Variants in FGD3 observed in about 807,000 individuals in gnomAD.
FGD3 encodes FYVE, RhoGEF and PH domain-containing protein 3.
A neutral mutation model predicts 71.8 loss-of-function variants in FGD3; 45 were observed. That is an observed-to-expected ratio of 0.63 (90% CI 0.49 to 0.80). The LOEUF (loss-of-function observed/expected upper bound fraction) is 0.80, where lower values mean the gene tolerates loss of function less well. Ranked by LOEUF, FGD3 falls within the 30% of genes least tolerant of loss-of-function variation. FGD3 has a pLI of 0.00. For missense variants in FGD3, 844 were observed against 951.5 expected, an observed-to-expected ratio of 0.89 and a Z score of 1.49; for synonymous variants, 378 against 392.8, an observed-to-expected ratio of 0.96 and a Z score of 0.44.
At chr9:92,986,872 T>A (rs920427792) in intron 3 of FGD3, among the ~76,000 whole-genome samples, 1 of 152,158 alleles carries the variant, frequency 6.6e-6, no homozygotes, top group Non-Finnish European at 1.5e-5. Flanking sequence ...TCCGAGCTGG[T>A]AGGGTAAAAA....
chr9:93,018,074 A>G (rs778369422), intron 10 of FGD3, 62 bp from the exon 11 acceptor site: 16 of 1,488,490 alleles, frequency 1.1e-5, no homozygotes, highest in Admixed American at 1.7e-5. Flanking sequence ...GTCAGAAAAC[A>G]TGAGGCTGGA....
At chr9:92,968,788 G>A (rs1158355178) in intron 1 of FGD3, among the ~76,000 whole-genome samples, 1 of 152,024 alleles carries the variant, frequency 6.6e-6, no homozygotes, top group African/African-American at 2.4e-5. Flanking sequence ...TTTTAGTAGA[G>A]ATGGGGTTTC....
intron 12 of FGD3, 73 bp from the exon 13 acceptor site, chr9:93,020,244 A>G: frequency 7.1e-7 from 1 of 1,400,664 alleles, no homozygotes; most frequent in Non-Finnish European, 9.8e-7. Flanking sequence ...GGACAGAGGC[A>G]GGCGCGTCCC....
intron 1 of FGD3, among the ~76,000 whole-genome samples, chr9:92,964,791 G>A (rs1468839673): frequency 1.3e-5 from 2 of 152,108 alleles, no homozygotes; most frequent in Non-Finnish European, 2.9e-5. Flanking sequence ...TCGAGACCAC[G>A]GCCAGCCCCT....
At chr9:92,994,108 C>T (rs1407071201) in intron 3 of FGD3, among the ~76,000 whole-genome samples, 1 of 152,170 alleles carries the variant, frequency 6.6e-6, no homozygotes, top group African/African-American at 2.4e-5. Context: ...CCTATTTCTC[C>T]ACATCCTCTC....
chr9:92,959,706 CAAA>C (rs10658844), intron 1 of FGD3, among the ~76,000 whole-genome samples: 2 of 80,532 alleles, frequency 2.5e-5, no homozygotes, highest in Admixed American at 1.4e-4. Flanking sequence ...AACTCAGTCT[CAAA>C]AAAAAAAAAA....
rs758124005 is a variant in FGD3, at chr9:93,034,495, C to A, written c.1786-46C>A. On this transcript the variant is annotated intron_variant, in intron 16 of 17. Coordinates refer to ENST00000375482, the MANE Select transcript of FGD3 (RefSeq NM_001083536.2). The stretch of plus-strand genomic sequence containing the variant: ...CCCAGCCTCCTCAGAACAGGGGTGA[C>A]CACTGCAGGGGAGACTGCCCCTAAC... 1.9e-6 allele frequency: 3 copies of A among 1,560,840 alleles called. No homozygotes were observed. The East Asian group carries it at 6.9e-5, about 36-fold the overall frequency.
chr9:92,963,334 C>T (rs995511467), intron 1 of FGD3, among the ~76,000 whole-genome samples: 6 of 152,204 alleles, frequency 3.9e-5, no homozygotes, highest in African/African-American at 1.4e-4. Flanking sequence ...CAGTCTCTTT[C>T]TGTCCCCCAG....
chr9:92,949,422 C>A (rs141618615), intron 1 of FGD3, among the ~76,000 whole-genome samples: 1 of 152,152 alleles, frequency 6.6e-6, no homozygotes, highest in African/African-American at 2.4e-5. Flanking sequence ...GCGGGGCGTC[C>A]GTCCACTCTG....
rs992023045 is a variant in FGD3 at position 93,010,376 on chromosome 9, A to G, written c.968A>G (p.Asp323Gly). The G allele has an allele frequency of 3.7e-6, 6 of 1,608,612 alleles. No individual in the cohort carries two copies. Among genetic ancestry groups the G allele is most frequent in the Non-Finnish European group, 5.1e-6 (6 of 1,175,932 alleles). The change falls in exon 7 of 18, where the codon GAT becomes GGT. Residue 323 changes from aspartate to glycine, a missense_variant. Asp to Gly is a moderately conservative substitution (Grantham distance 94). Coordinates refer to ENST00000375482, the MANE Select transcript of FGD3 (RefSeq NM_001083536.2). ...CCGCAGGACGCCCCAGACCGGAAGGATGCGGAGAGTGAGCTGGGGCCAAGG... is the reference window on the plus strand; with the variant it reads ...CCGCAGGACGCCCCAGACCGGAAGGGTGCGGAGAGTGAGCTGGGGCCAAGG... ...RLPQDAPDRKDAERSLELIST... is the reference protein window; with the variant it reads ...RLPQDAPDRKGAERSLELIST...
intron 3 of FGD3, among the ~76,000 whole-genome samples, chr9:92,981,969 T>C (rs1299537894): frequency 2.0e-5 from 3 of 152,208 alleles, no homozygotes; most frequent in Non-Finnish European, 4.4e-5. Context: ...GAAACATTTA[T>C]CATTTCTTTG....
intron 16 of FGD3, chr9:93,033,991 G>A (rs919615565): frequency 3.3e-5 from 5 of 152,310 alleles, no homozygotes; most frequent in African/African-American, 7.2e-5. Context: ...CAGGTCCTTG[G>A]GGCACGGGCC....
chr9:93,023,790 A>G (rs144372822), intron 14 of FGD3, among the ~76,000 whole-genome samples: 1,437 of 140,176 alleles, frequency 0.01, 34 homozygotes, highest in African/African-American at 0.037. Flanking sequence ...CCCGCCCATC[A>G]GCAACTTTTT....
intron 1 of FGD3, among the ~76,000 whole-genome samples, chr9:92,973,200 C>T (rs891083249): frequency 1.1e-4 from 16 of 149,682 alleles, no homozygotes; most frequent in African/African-American, 3.2e-4. Flanking sequence ...CCGCAACATC[C>T]GCCTCCTGAG....
intron 3 of FGD3, among the ~76,000 whole-genome samples, chr9:92,995,547 T>C (rs1860604908): frequency 6.6e-6 from 1 of 152,238 alleles, no homozygotes; most frequent in African/African-American, 2.4e-5. Context: ...ATCCCTGTTT[T>C]ATGCCAGTTT....
intron 15 of FGD3, among the ~76,000 whole-genome samples, chr9:93,031,891 C>G (rs977024527): frequency 6.6e-6 from 1 of 151,944 alleles, no homozygotes; most frequent in South Asian, 2.1e-4. Flanking sequence ...GGAGGGAGAC[C>G]GAGGCAGAGA....
At chr9:93,033,025 T>C in intron 16 of FGD3, 152 bp downstream of exon 16, 1 of 757,880 alleles carries the variant, frequency 1.3e-6, no homozygotes, top group Non-Finnish European at 2.3e-6. Flanking sequence ...GCCCCCAGGC[T>C]GGGAACACAC....
At chr9:93,027,919 A>G (rs1373139591) in intron 14 of FGD3, among the ~76,000 whole-genome samples, 2 of 151,508 alleles carry the variant, frequency 1.3e-5, no homozygotes, top group Non-Finnish European at 2.9e-5. Context: ...GGGTCTCACT[A>G]TGTCGCCCAG....
chr9:93,011,362 C>A, intron 8 of FGD3, 90 bp downstream of exon 8: 2 of 1,492,274 alleles, frequency 1.3e-6, no homozygotes, highest in Non-Finnish European at 1.9e-6. Flanking sequence ...TTGCCGCTAT[C>A]CTTTGGGGGG....
Sources: allele counts gnomAD v4.1 joint callset (sites outside exome capture counted in the v4.1 genomes callset), GRCh38; gene constraint gnomAD v4.1.1; transcripts MANE v1.5; gene names NCBI Gene and HGNC (gene_info 2026-07-23, HGNC 2026-07-21).